Variants in LRRC4C observed in about 807,000 individuals in gnomAD.
The protein encoded by LRRC4C is leucine-rich repeat-containing protein 4C.
LRRC4C carries 5 observed loss-of-function variants against 33.6 expected under a neutral mutation model. The observed-to-expected ratio is 0.15, with a 90% confidence interval of 0.08 to 0.31. The LOEUF is 0.31. Among genes scored for constraint, LRRC4C ranks in the 10% least tolerant of loss-of-function variants. LRRC4C has a pLI of 1.00. For missense variants in LRRC4C, 560 were observed against 796.7 expected (o/e 0.70, Z 3.58); for synonymous variants, 329 against 302.0 (o/e 1.09, Z -0.93).
chr11:40,789,066 C>G (rs1230345505), intron 2 of LRRC4C, among the ~76,000 whole-genome samples: 1 of 128,110 alleles, frequency 7.8e-6, no homozygotes, highest in Non-Finnish European at 1.5e-5. Context: ...GCGCTCCAGC[C>G]TGGGTGAGAG....
At chr11:41,280,990 C>T (rs191095029) in intron 1 of LRRC4C, among the ~76,000 whole-genome samples, 14 of 148,752 alleles carry the variant, frequency 9.4e-5, no homozygotes, top group Admixed American at 2.7e-4. Flanking sequence ...TAACAATTAG[C>T]CTAGTATTTT....
intron 5 of LRRC4C, among the ~76,000 whole-genome samples, chr11:40,155,293 C>T (rs1858590515): frequency 6.6e-6 from 1 of 151,740 alleles, no homozygotes; most frequent in South Asian, 2.1e-4. Context: ...GGTCACACCT[C>T]AAGAAACTAG....
At chr11:40,421,905 T>C (rs1950536625) in intron 3 of LRRC4C, among the ~76,000 whole-genome samples, 1 of 152,148 alleles carries the variant, frequency 6.6e-6, no homozygotes, top group Non-Finnish European at 1.5e-5. Flanking sequence ...AATGAAAACA[T>C]AAAAAGCAAA....
rs1056701072 is a variant in LRRC4C at position 40,945,814 on chromosome 11, C to A, written c.-495-12091G>T. 9.2e-5 allele frequency among the ~76,000 whole-genome samples: 14 copies of A among 152,128 alleles called. No homozygotes were observed. The East Asian group carries it at 2.7e-3, about 29-fold the overall frequency. ...ACAGTACAAACCACACCATCAGAGC[C>A]TCCAAGTAAATCTCAGGAAACTTTG... On this transcript the variant is annotated intron_variant, in intron 1 of 6. Coordinates refer to ENST00000528697, the MANE Select transcript of LRRC4C (RefSeq NM_001258419.2).
chr11:41,285,954 C>G (rs1162995967), intron 1 of LRRC4C, among the ~76,000 whole-genome samples: 1 of 151,988 alleles, frequency 6.6e-6, no homozygotes, highest in African/African-American at 2.4e-5. Context: ...CTCAGCCTCC[C>G]GAGTAGCTGG....
At chr11:40,874,400 C>G (rs1954787445) in intron 2 of LRRC4C, among the ~76,000 whole-genome samples, 1 of 152,130 alleles carries the variant, frequency 6.6e-6, no homozygotes, top group Admixed American at 6.6e-5. Flanking sequence ...CCTTGCTGGT[C>G]CAGAATCAGC....
intron 2 of LRRC4C, among the ~76,000 whole-genome samples, chr11:40,675,002 G>A (rs1236001758): frequency 6.6e-6 from 1 of 152,162 alleles, no homozygotes; most frequent in Non-Finnish European, 1.5e-5. Flanking sequence ...ACTGAAGTAC[G>A]ATTTCTACTC....
intron 1 of LRRC4C, among the ~76,000 whole-genome samples, chr11:41,046,589 G>A (rs1168872589): frequency 6.6e-6 from 1 of 152,066 alleles, no homozygotes; most frequent in Non-Finnish European, 1.5e-5. Context: ...TAGATCCCTC[G>A]CTTACTGTTA....
intron 4 of LRRC4C, chr11:40,292,512 A>T (rs1257184177): frequency 2.6e-5 from 4 of 152,078 alleles, no homozygotes; most frequent in African/African-American, 9.7e-5. Flanking sequence ...CCACCACACC[A>T]GTTCTTTACT....
chr11:40,384,939 A>AT (rs1949045192), intron 3 of LRRC4C, among the ~76,000 whole-genome samples: 1 of 152,050 alleles, frequency 6.6e-6, no homozygotes, highest in Admixed American at 6.6e-5. Context: ...GTTAATAAGA[A>AT]TTTTTTCTAA....
intron 1 of LRRC4C, among the ~76,000 whole-genome samples, chr11:41,375,249 T>C (rs1194419674): frequency 6.6e-6 from 1 of 152,118 alleles, no homozygotes; most frequent in Non-Finnish European, 1.5e-5. Context: ...ATTTAAACAT[T>C]TTTATAATCA....
chr11:40,992,313 T>C (rs2137265599), intron 1 of LRRC4C, among the ~76,000 whole-genome samples: 1 of 152,118 alleles, frequency 6.6e-6, no homozygotes, highest in East Asian at 1.9e-4. Flanking sequence ...TCATGAACTA[T>C]GTTATTTATG....
intron 2 of LRRC4C, among the ~76,000 whole-genome samples, chr11:40,894,852 A>G (rs531862558): frequency 3.3e-5 from 5 of 152,212 alleles, no homozygotes; most frequent in Admixed American, 6.6e-5. Context: ...CCGTTTTGAC[A>G]TTTAGACTTC....
At chr11:40,510,913 A>G (rs1180042944) in intron 3 of LRRC4C, among the ~76,000 whole-genome samples, 2 of 152,186 alleles carry the variant, frequency 1.3e-5, no homozygotes, top group Non-Finnish European at 2.9e-5. Flanking sequence ...TTTGAAAAAA[A>G]CTGATACTTG....
intron 1 of LRRC4C, among the ~76,000 whole-genome samples, chr11:41,151,920 T>C (rs374465992): frequency 6.6e-6 from 1 of 152,260 alleles, no homozygotes; most frequent in African/African-American, 2.4e-5. Flanking sequence ...ACAGAATACA[T>C]GAATTATTTC....
intron 1 of LRRC4C, among the ~76,000 whole-genome samples, chr11:41,409,118 C>T (rs1050981962): frequency 6.6e-6 from 1 of 152,138 alleles, no homozygotes; most frequent in African/African-American, 2.4e-5. Flanking sequence ...ATCCCTGTTC[C>T]TTCCTTTGCA....
chr11:40,562,778 T>A lies in LRRC4C; in HGVS notation c.-270+85364A>T, dbSNP rs977532021. ...ACTCCAAGCCAATGGCTGAGCAAAT[T>A]GTGTATGTGAGTGGGTATTAGAACC... is the stretch of plus-strand genomic sequence containing the variant. On this transcript the variant is annotated intron_variant, in intron 3 of 6. Coordinates refer to ENST00000528697, the MANE Select transcript of LRRC4C (RefSeq NM_001258419.2). 3.3e-5 allele frequency among the ~76,000 whole-genome samples: 5 copies of A among 152,224 alleles called. No individual in the cohort carries two copies. In the South Asian group the frequency reaches 1.0e-3, roughly 32 times the overall value.
intron 3 of LRRC4C, among the ~76,000 whole-genome samples, chr11:40,373,796 A>G (rs755183489): frequency 2.2e-4 from 33 of 152,136 alleles, no homozygotes; most frequent in Non-Finnish European, 3.7e-4. Context: ...TCACAATGTG[A>G]CACACCTGCT....
chr11:41,129,787 G>A (rs1206826895), intron 1 of LRRC4C, among the ~76,000 whole-genome samples: 1 of 151,822 alleles, frequency 6.6e-6, no homozygotes. Flanking sequence ...AATTATCTAA[G>A]GTCACCGTTA....
Sources: gnomAD v4.1 joint callset for allele counts (sites outside exome capture counted in the v4.1 genomes callset) on GRCh38, gnomAD v4.1.1 for gene constraint, MANE v1.5 for transcripts, NCBI Gene and HGNC (gene_info 2026-07-23, HGNC 2026-07-21) for gene names.